APOOL: variants seen among roughly 807,000 people sequenced by gnomAD.
APOOL encodes the protein apolipoprotein O like.
Under a neutral mutation model 23.1 loss-of-function variants are expected in APOOL, and 12 were observed. The ratio of observed to expected loss-of-function variants is 0.52; its 90% CI spans 0.33 to 0.84. The LOEUF (loss-of-function observed/expected upper bound fraction) is 0.84. APOOL is among the 40% of genes least tolerant of loss of function. APOOL has a pLI of 0.02. For synonymous variants in APOOL, 77 were observed against 69.9 expected (o/e 1.10, Z -0.51); for missense variants, 212 against 199.6 (o/e 1.06, Z -0.37).
chrX:85,053,914 C>T (rs1485055389), intron 3 of APOOL, among the ~76,000 whole-genome samples: 1 of 111,253 alleles, frequency 9.0e-6, no homozygotes, highest in African/African-American at 3.3e-5. Context: ...AAGCCCTTTG[C>T]TTTAGGCTTT....
chrX:85,066,595 C>T (rs767386853), intron 5 of APOOL, among the ~76,000 whole-genome samples: 210 of 111,152 alleles, frequency 1.9e-3, no homozygotes, highest in Non-Finnish European at 2.9e-3. Context: ...AGGTTACTTG[C>T]AATTATTATT....
chrX:85,019,449 G>T, intron 1 of APOOL, among the ~76,000 whole-genome samples: 1 of 112,051 alleles, frequency 8.9e-6, no homozygotes, highest in Non-Finnish European at 1.9e-5. Flanking sequence ...CTTGATATGT[G>T]ACTTTCCAGC....
At chrX:85,034,124 C>G (rs896757669) in intron 1 of APOOL, among the ~76,000 whole-genome samples, 14 of 110,232 alleles carry the variant, frequency 1.3e-4, no homozygotes, top group African/African-American at 4.3e-4. Flanking sequence ...AGGAACTCCT[C>G]TAGAAGCTGA....
intron 8 of APOOL, among the ~76,000 whole-genome samples, chrX:85,076,570 G>T (rs748751398): frequency 2.2e-4 from 24 of 110,759 alleles, no homozygotes; most frequent in African/African-American, 7.5e-4. Context: ...ATACTAAGGG[G>T]TATCAGTGGA....
intron 1 of APOOL, among the ~76,000 whole-genome samples, chrX:85,031,300 C>G (rs1432305809): frequency 9.0e-6 from 1 of 111,411 alleles, no homozygotes; most frequent in African/African-American, 3.3e-5. Context: ...CTTAGATTCT[C>G]TGTGTGTACT....
At chrX:85,005,422 G>A (rs1329151744) in intron 1 of APOOL, among the ~76,000 whole-genome samples, 1 of 9,230 alleles carries the variant, frequency 1.1e-4, no homozygotes, top group Non-Finnish European at 2.3e-4. Flanking sequence ...GCCTCCCAAA[G>A]TACTGGGATT....
intron 1 of APOOL, among the ~76,000 whole-genome samples, chrX:85,021,424 GA>G (rs1221733971): frequency 1.8e-5 from 2 of 110,487 alleles, no homozygotes; most frequent in African/African-American, 3.3e-5. Context: ...CTAGGCTTCA[GA>G]CCAGCCCCTA....
intron 1 of APOOL, among the ~76,000 whole-genome samples, chrX:85,032,917 A>G (rs149816330): frequency 1.4e-3 from 153 of 111,489 alleles, no homozygotes; most frequent in African/African-American, 4.7e-3. Context: ...CGACAGTTGA[A>G]CCCTTTCTTC....
intron 1 of APOOL, among the ~76,000 whole-genome samples, chrX:85,019,008 C>T (rs1424813847): frequency 9.0e-6 from 1 of 110,803 alleles, no homozygotes; most frequent in Admixed American, 9.6e-5. Flanking sequence ...GTGGCTAGGG[C>T]TCTTGTGGTC....
rs948214156 is a variant in APOOL at position 85,086,769 on chromosome X, G to A, written c.719-821G>A. On this transcript the variant is annotated intron_variant, in intron 8 of 8. Coordinates refer to ENST00000373173, the MANE Select transcript of APOOL (RefSeq NM_198450.6). ...GGTTGGAGTGCAGTGGCGCGATCTCGGCTCACTGCAAGCTCCGCTTCCCGG... is the reference window on the plus strand; with the variant it reads ...GGTTGGAGTGCAGTGGCGCGATCTCAGCTCACTGCAAGCTCCGCTTCCCGG... Among the ~76,000 whole-genome samples, 30 of 84,570 alleles carry A rather than the reference G, an allele frequency of 3.5e-4. 2 individuals carry two copies. The Admixed American group carries it at 3.6e-3, about 10-fold the overall frequency. The allele number at this position is 84,570 out of a possible 115,157, so 73.4% of individuals were successfully genotyped here. A position where few individuals can be genotyped will look rare whatever the true frequency, so the allele number is the denominator to read the frequency against.
In APOOL at chrX:85,088,606, A is replaced by T. The variant is rs1205244760; in HGVS notation, c.*928A>T. 9.1e-6 allele frequency: 1 copy of T among 109,567 alleles called. No individual in the cohort carries two copies. The highest frequency in any genetic ancestry group is 1.9e-5 in the Non-Finnish European group (1 of 52,676). The allele number at this position is 109,567 out of a possible 1,213,427, so 9.0% of individuals were successfully genotyped here. A position where few individuals can be genotyped will look rare whatever the true frequency, so the allele number is the denominator to read the frequency against. ...AAGCCTCTTAGAACTGTCAAAGTTG[A>T]CTGTGCCTCCTATTTCATAGAGAAA... On this transcript the variant is annotated 3_prime_UTR_variant, in exon 9 of 9. Transcript: ENST00000373173.
At chrX:85,050,026 G>A (rs764622450) in intron 2 of APOOL, among the ~76,000 whole-genome samples, 50 of 111,328 alleles carry the variant, frequency 4.5e-4, no homozygotes, top group Non-Finnish European at 8.5e-4. Flanking sequence ...CAGTGCACCT[G>A]CTTTTTATAT....
intron 8 of APOOL, among the ~76,000 whole-genome samples, chrX:85,082,689 G>A (rs1426704099): frequency 1.8e-5 from 2 of 111,692 alleles, no homozygotes; most frequent in South Asian, 3.7e-4. Flanking sequence ...TATTGTCTAC[G>A]GCTGCTTTTA....
At chrX:85,080,477 C>G (rs1226061791) in intron 8 of APOOL, 1 of 111,646 alleles carries the variant, frequency 9.0e-6, no homozygotes, top group African/African-American at 3.3e-5. Context: ...GATTTCTGTT[C>G]TTTTACATTT....
At chrX:85,082,287 G>A (rs950298103) in intron 8 of APOOL, among the ~76,000 whole-genome samples, 1 of 111,193 alleles carries the variant, frequency 9.0e-6, no homozygotes, top group African/African-American at 3.3e-5. Context: ...TGTGGATGTC[G>A]TTTTTGTTGA....
rs753533858 is a variant in APOOL, at chrX:85,080,938, C to G, written c.718+6547C>G. 2.7e-5 allele frequency among the ~76,000 whole-genome samples: 3 copies of G among 110,314 alleles called. No homozygotes were observed. In the South Asian group the frequency reaches 1.2e-3, roughly 43 times the overall value. On this transcript the variant is annotated intron_variant, in intron 8 of 8. Transcript: ENST00000373173. ...ACCCCTGCTTTTTTTTGCTTTCCAT[C>G]TGCTTGTTAGATCTTCCACCTTCCC...
intron 1 of APOOL, among the ~76,000 whole-genome samples, chrX:85,006,194 A>G (rs1022673900): frequency 8.9e-6 from 1 of 111,769 alleles, no homozygotes; most frequent in Non-Finnish European, 1.9e-5. Context: ...AACAACCAAG[A>G]TTGTATGGGG....
At chrX:85,081,354 G>C (rs1924092756) in intron 8 of APOOL, among the ~76,000 whole-genome samples, 1 of 111,210 alleles carries the variant, frequency 9.0e-6, no homozygotes, top group African/African-American at 3.3e-5. Flanking sequence ...ATAAAGCTTA[G>C]TTTGGCTGGA....
intron 1 of APOOL, among the ~76,000 whole-genome samples, chrX:85,034,985 A>G (rs1922167265): frequency 8.9e-6 from 1 of 111,881 alleles, no homozygotes; most frequent in African/African-American, 3.2e-5. Flanking sequence ...CAGTAGTGGG[A>G]TTGCTGAGTC....
Sources: gnomAD v4.1 joint callset for allele counts (sites outside exome capture counted in the v4.1 genomes callset) on GRCh38, gnomAD v4.1.1 for gene constraint, MANE v1.5 for transcripts, NCBI Gene and HGNC (gene_info 2026-07-23, HGNC 2026-07-21) for gene names.